ODAD1: variants seen among roughly 807,000 people sequenced by gnomAD.
ODAD1 encodes outer dynein arm-docking complex subunit 1.
In ODAD1, 49 loss-of-function variants were observed where a neutral mutation model predicts 67.2. The ratio of observed to expected loss-of-function variants is 0.73; its 90% CI spans 0.58 to 0.92. The LOEUF (loss-of-function observed/expected upper bound fraction) is 0.92, where lower values mean the gene tolerates loss of function less well. Ranked by LOEUF, ODAD1 falls within the 40% of genes least tolerant of loss-of-function variation. The pLI is 0.00. For missense variants in ODAD1, 897 were observed against 953.7 expected, an observed-to-expected ratio of 0.94 and a Z score of 0.78; for synonymous variants, 345 against 393.7, an observed-to-expected ratio of 0.88 and a Z score of 1.46.
chr19:48,310,322 T>G (rs180704597), intron 7 of ODAD1, among the ~76,000 whole-genome samples: 3 of 151,706 alleles, frequency 2.0e-5, no homozygotes, highest in Non-Finnish European at 4.4e-5. Flanking sequence ...GTCAACGTCA[T>G]GGAGAAAAAA....
Position 48,312,121 on chromosome 19 carries a change from A to G in ODAD1, c.361-5T>C. ...CCGCGTCTCCCACTCCTGGATCTAC[A>G]AGAAAGAGGATGGTACCTGTTTTTG... On this transcript the variant is annotated splice_polypyrimidine_tract_variant and splice_region_variant and intron_variant, in intron 5 of 15. Transcript: ENST00000674294. The G allele has an allele frequency of 1.3e-6, 2 of 1,550,856 alleles. No homozygotes were observed. Among genetic ancestry groups the G allele is most frequent in the Non-Finnish European group, 1.7e-6 (2 of 1,146,062 alleles).
intron 3 of ODAD1, 157 bp downstream of exon 3, chr19:48,320,142 C>A (rs957806236): frequency 1.2e-4 from 111 of 904,520 alleles, no homozygotes; most frequent in Non-Finnish European, 1.5e-4. Flanking sequence ...GCCCACCCAC[C>A]GTGGTGCCCG....
intron 5 of ODAD1, among the ~76,000 whole-genome samples, chr19:48,315,909 G>A (rs1363993695): frequency 6.6e-6 from 1 of 152,004 alleles, no homozygotes; most frequent in Non-Finnish European, 1.5e-5. Context: ...TCGTCCACTC[G>A]ACCACCGATG....
At chr19:48,299,923 C>T (rs2147311559) in intron 12 of ODAD1, among the ~76,000 whole-genome samples, 1 of 149,898 alleles carries the variant, frequency 6.7e-6, no homozygotes, top group South Asian at 2.1e-4. Context: ...TGCCTATAAT[C>T]CCAGCACTTT....
rs752848327 is a variant in ODAD1, at chr19:48,298,068, G to C, written c.1434C>G (p.Leu478=). 4 of 1,613,216 alleles carry C rather than the reference G, an allele frequency of 2.5e-6. No individual in the cohort carries two copies. The African/African-American group carries it at 5.3e-5, about 22-fold the overall frequency. Reference sequence around the variant, plus strand: ...CCTCCAGGCTCTGGCCCAGCACTAGGAGGGCAGCGTCGGCCAGGGAGGTGA... The same window carrying C: ...CCTCCAGGCTCTGGCCCAGCACTAGCAGGGCAGCGTCGGCCAGGGAGGTGA... The part of the protein sequence containing the change: ...QSFTSLADAA[L]LVLGQSLEDL... Residue 478 remains leucine (L), a synonymous_variant, in exon 14 of 16, where the codon CTC becomes CTG. Transcript: ENST00000674294.
At chr19:48,317,974 G>C (rs1355089289) in intron 5 of ODAD1, among the ~76,000 whole-genome samples, 2 of 152,100 alleles carry the variant, frequency 1.3e-5, no homozygotes, top group African/African-American at 4.8e-5. Flanking sequence ...TCGGGAAGCT[G>C]AGGCAGGAGA....
At chr19:48,315,215 A>G (rs1339482060) in intron 5 of ODAD1, among the ~76,000 whole-genome samples, 1 of 152,034 alleles carries the variant, frequency 6.6e-6, no homozygotes. Flanking sequence ...GCTTTATGAA[A>G]GAAGAGATGA....
intron 12 of ODAD1, among the ~76,000 whole-genome samples, chr19:48,298,951 G>A (rs1020570643): frequency 1.3e-5 from 2 of 152,108 alleles, no homozygotes; most frequent in East Asian, 1.9e-4. Flanking sequence ...GGTATGCCCC[G>A]AGGAGGCTCT....
At chr19:48,314,002 G>A (rs1968836310) in intron 5 of ODAD1, among the ~76,000 whole-genome samples, 3 of 152,126 alleles carry the variant, frequency 2.0e-5, no homozygotes, top group South Asian at 2.1e-4. Context: ...CAACACTTTC[G>A]GAGGCTGAGA....
chr19:48,296,599 G>A lies in ODAD1; in HGVS notation c.*377C>T, dbSNP rs556907977. The A allele has an allele frequency of 9.4e-5, 23 of 243,852 alleles. No homozygotes were observed. Among genetic ancestry groups the A allele is most frequent in the Non-Finnish European group, 1.6e-4 (22 of 133,874 alleles). 15.1% of individuals were successfully genotyped at this position (243,852 alleles called of 1,614,324 possible). A position where few individuals can be genotyped will look rare whatever the true frequency, so the allele number is the denominator to read the frequency against. Reference sequence around the variant, plus strand: ...AGCTACAGAGACAGGGACACAGGATGCGTGGAGAGCCTGGGAGATGGAGAT... The same window carrying A: ...AGCTACAGAGACAGGGACACAGGATACGTGGAGAGCCTGGGAGATGGAGAT... On this transcript the variant is annotated 3_prime_UTR_variant, in exon 16 of 16. Transcript: ENST00000674294.
At chr19:48,314,379 C>T (rs187853399) in intron 5 of ODAD1, among the ~76,000 whole-genome samples, 9 of 152,298 alleles carry the variant, frequency 5.9e-5, no homozygotes, top group Admixed American at 3.9e-4. Flanking sequence ...TTTTGTTATA[C>T]GAGCCACCCA....
intron 3 of ODAD1, chr19:48,319,525 G>T (rs563585341): frequency 1.3e-3 from 902 of 682,940 alleles, no homozygotes; most frequent in Non-Finnish European, 1.5e-3. Flanking sequence ...ATTTGGCAAT[G>T]TCTGGAGACT....
chr19:48,298,131 C>T, intron 13 of ODAD1, 34 bp from the exon 14 acceptor site: 2 of 1,611,522 alleles, frequency 1.2e-6, no homozygotes. Flanking sequence ...TCAGCTGGGC[C>T]ACCCCCGAGA....
intron 12 of ODAD1, among the ~76,000 whole-genome samples, chr19:48,302,087 GGTGGATGA>G (rs1263809758): frequency 1.3e-4 from 20 of 150,054 alleles, no homozygotes; most frequent in Non-Finnish European, 1.0e-4. Flanking sequence ...TGGATGGATG[GGTGGATGA>G]ATGGATGGAT....
chr19:48,304,233 G>T, intron 8 of ODAD1, 93 bp from the exon 9 acceptor site: 1 of 1,304,486 alleles, frequency 7.7e-7, no homozygotes, highest in Non-Finnish European at 1.0e-6. Context: ...GAGGTTGTGG[G>T]GGGTGAGGTG....
intron 8 of ODAD1, 47 bp downstream of exon 8, chr19:48,306,209 C>T (rs1968603417): frequency 6.4e-7 from 1 of 1,550,796 alleles, no homozygotes. Flanking sequence ...AAAGGTGCGT[C>T]CTGAGTCATC....
At chr19:48,300,543 T>A (rs558314662) in intron 12 of ODAD1, among the ~76,000 whole-genome samples, 1 of 152,036 alleles carries the variant, frequency 6.6e-6, no homozygotes, top group South Asian at 2.1e-4. Context: ...AAATTAGATA[T>A]CCTCAAAACT....
chr19:48,320,244 G>C, intron 3 of ODAD1, 55 bp downstream of exon 3: 2 of 1,144,288 alleles, frequency 1.7e-6, no homozygotes, highest in Non-Finnish European at 2.3e-6. Context: ...TGGAACTTGG[G>C]AAAGCTGGGG....
At position 48,297,521 on chromosome 19, in the gene ODAD1, G is replaced by T; in HGVS notation, c.1582-3C>A. 6.2e-7 allele frequency: 1 copy of T among 1,603,528 alleles called. No individual in the cohort carries two copies. The highest frequency in any genetic ancestry group is 8.5e-7 in the Non-Finnish European group (1 of 1,175,536). ...TCCGCCTGCTCCTGGAGCTCCACCT[G>T]CAGGGAAGGTGAACTGGGCCCCGAC... On this transcript the variant is annotated splice_polypyrimidine_tract_variant and splice_region_variant and intron_variant, in intron 15 of 15. Transcript: ENST00000674294.
Sources: gnomAD v4.1 joint callset for allele counts (sites outside exome capture counted in the v4.1 genomes callset) on GRCh38, gnomAD v4.1.1 for gene constraint, MANE v1.5 for transcripts, NCBI Gene and HGNC (gene_info 2026-07-23, HGNC 2026-07-21) for gene names.